The following MCM8 variants were observed in gnomAD, a reference collection of about 807,000 sequenced individuals.
MCM8 encodes the protein minichromosome maintenance 8 homologous recombination repair factor.
In MCM8, 85 loss-of-function variants were observed where a neutral mutation model predicts 98.9. The observed-to-expected ratio is 0.86, with a 90% CI of 0.72 to 1.03. MCM8 has a LOEUF of 1.03. Ranked by LOEUF, MCM8 falls within the 50% of genes least tolerant of loss-of-function variation. The pLI, the probability that MCM8 is intolerant of heterozygous loss-of-function variation, is 0.00. For missense variants in MCM8, 951 were observed against 997.8 expected, an observed-to-expected ratio of 0.95 and a Z score of 0.63; for synonymous variants, 352 against 338.6, an observed-to-expected ratio of 1.04 and a Z score of -0.44.
intron 17 of MCM8, among the ~76,000 whole-genome samples, chr20:5,989,572 C>T (rs73896705): frequency 0.024 from 3,585 of 152,246 alleles, 131 homozygotes; most frequent in African/African-American, 0.077. Context: ...TGGTCTAGTC[C>T]TCAGTGCTCT....
Position 5,973,200 on chromosome 20 carries a change from G to A in MCM8, c.1395+4G>A. Reference sequence around the variant, plus strand: ...AGGAAAAAGTCAAATGCTACAGGTAGACAATCAGTCATTTAGTGTTTGTTC... The same window carrying A: ...AGGAAAAAGTCAAATGCTACAGGTAAACAATCAGTCATTTAGTGTTTGTTC... On this transcript the variant is annotated splice_donor_region_variant and intron_variant, in intron 12 of 18. Transcript: ENST00000610722. 6.2e-7 allele frequency: 1 copy of A among 1,613,604 alleles called. No homozygotes were observed. Among genetic ancestry groups the A allele is most frequent in the Non-Finnish European group, 8.5e-7 (1 of 1,179,778 alleles).
chr20:5,976,330 T>G (rs1197812950), intron 12 of MCM8, among the ~76,000 whole-genome samples: 1 of 152,138 alleles, frequency 6.6e-6, no homozygotes, highest in Non-Finnish European at 1.5e-5. Flanking sequence ...AAGCTGAGGT[T>G]GTTGTAACCA....
At position 5,957,249 on chromosome 20, in the gene MCM8, A is replaced by G; in HGVS notation, c.590+20A>G. The G allele has an allele frequency of 6.3e-7, 1 of 1,580,592 alleles. No homozygotes were observed. The highest frequency in any genetic ancestry group is 8.7e-7 in the Non-Finnish European group (1 of 1,151,746). On this transcript the variant is annotated intron_variant, in intron 6 of 18. Transcript: ENST00000610722. ...TGCAAGGTGAGGAATTTGATGTATTAAAGTATTACTTAGAATGGGACATTG... is the reference window on the plus strand; with the variant it reads ...TGCAAGGTGAGGAATTTGATGTATTGAAGTATTACTTAGAATGGGACATTG...
At chr20:5,973,502 C>T (rs2089446948) in intron 12 of MCM8, among the ~76,000 whole-genome samples, 1 of 152,156 alleles carries the variant, frequency 6.6e-6, no homozygotes, top group Non-Finnish European at 1.5e-5. Flanking sequence ...GTTATGTGAC[C>T]TCACCTATGA....
chr20:5,951,352 T>C (rs2088817029), intron 1 of MCM8, among the ~76,000 whole-genome samples: 2 of 152,260 alleles, frequency 1.3e-5, no homozygotes, highest in African/African-American at 4.8e-5. Flanking sequence ...ATCGTGAACT[T>C]TCTAGTTACT....
At chr20:5,984,379 A>G (rs866238109) in intron 14 of MCM8, among the ~76,000 whole-genome samples, 6 of 152,256 alleles carry the variant, frequency 3.9e-5, no homozygotes, top group Admixed American at 1.3e-4. Flanking sequence ...ACAAAGTGCT[A>G]TATTAGAAAA....
intron 17 of MCM8, among the ~76,000 whole-genome samples, chr20:5,990,342 G>T (rs1448251617): frequency 6.6e-6 from 1 of 152,172 alleles, no homozygotes; most frequent in Non-Finnish European, 1.5e-5. Flanking sequence ...CTCCCAAAGT[G>T]CTGGGATTAC....
chr20:5,963,243 T>G (rs1490241450), intron 7 of MCM8, 31 bp from the exon 8 acceptor site: 1 of 1,505,952 alleles, frequency 6.6e-7, no homozygotes, highest in African/African-American at 1.4e-5. Flanking sequence ...TTTATCAAAA[T>G]CTGAATGTGA....
Position 5,960,037 on chromosome 20 carries a change from A to G in MCM8, c.789+1311A>G, listed in dbSNP as rs192553515. On this transcript the variant is annotated intron_variant, in intron 7 of 18. Coordinates refer to ENST00000610722, the MANE Select transcript of MCM8 (RefSeq NM_032485.6). ...ATTACTTTCCAGAGTATTGTTCCCA[A>G]CTTAAATCTTTGCTGGTAGTGTTAA... 4.2e-3 allele frequency among the ~76,000 whole-genome samples: 641 copies of G among 152,146 alleles called. 3 individuals carry two copies. The highest frequency in any genetic ancestry group is 0.014 in the African/African-American group (581 of 41,518).
At chr20:5,989,120 C>CTTTTTTTTTTTTT (rs1172678780) in intron 17 of MCM8, among the ~76,000 whole-genome samples, 1,794 of 120,120 alleles carry the variant, frequency 0.015, 99 homozygotes, top group Middle Eastern at 0.046. Context: ...TAGCGCAAGT[C>CTTTTTTTTTTTTT]TTTTTTTTTT....
intron 16 of MCM8, among the ~76,000 whole-genome samples, chr20:5,986,769 G>A (rs555750198): frequency 1.3e-5 from 2 of 152,310 alleles, no homozygotes; most frequent in Admixed American, 6.5e-5. Flanking sequence ...AAGTAAAAAT[G>A]AGGTTTATCC....
chr20:5,954,731 C>A, intron 4 of MCM8, 41 bp downstream of exon 4: 1 of 1,193,386 alleles, frequency 8.4e-7, no homozygotes, highest in Non-Finnish European at 1.2e-6. Context: ...CATGTGCCAT[C>A]TTACCAATGT....
At chr20:5,983,627 G>A (rs1362264943) in intron 14 of MCM8, among the ~76,000 whole-genome samples, 1 of 152,170 alleles carries the variant, frequency 6.6e-6, no homozygotes, top group East Asian at 1.9e-4. Flanking sequence ...TTGAACCTGG[G>A]AGGTGGAGGT....
intron 3 of MCM8, 116 bp downstream of exon 3, chr20:5,952,644 A>G: frequency 4.9e-6 from 4 of 819,422 alleles, no homozygotes; most frequent in Admixed American, 5.2e-5. Flanking sequence ...CTTTAATCTT[A>G]GTTCACCCAA....
intron 7 of MCM8, among the ~76,000 whole-genome samples, chr20:5,959,655 C>T (rs941948243): frequency 6.8e-6 from 1 of 147,040 alleles, no homozygotes; most frequent in Non-Finnish European, 1.5e-5. Context: ...TTGTACATGT[C>T]TCCTTAGCAG....
At chr20:5,956,805 A>AT (rs558916748) in intron 5 of MCM8, among the ~76,000 whole-genome samples, 147 of 144,704 alleles carry the variant, frequency 1.0e-3, no homozygotes, top group Middle Eastern at 3.5e-3. Context: ...ATAGGAATGC[A>AT]TTTTTTTTTT....
chr20:5,957,165 C>G lies in MCM8; in HGVS notation c.526C>G (p.Gln176Glu). ...KDLERHAAEL[Q>E]AQEGLSNDGE... Reference sequence around the variant, plus strand: ...CCTTGAAAGGCATGCAGCTGAGTTACAAGCCCAGGAAGGATTGTCTAATGA... The same window carrying G: ...CCTTGAAAGGCATGCAGCTGAGTTAGAAGCCCAGGAAGGATTGTCTAATGA... The change falls in exon 6 of 19, where the codon CAA (glutamine) becomes GAA (glutamate). Residue 176 changes from glutamine (Q) to glutamate (E), a missense_variant. Coordinates refer to ENST00000610722, the MANE Select transcript of MCM8 (RefSeq NM_032485.6). 2.5e-6 allele frequency: 4 copies of G among 1,613,698 alleles called. No homozygotes were observed. The East Asian group carries it at 8.9e-5, about 36-fold the overall frequency.
chr20:5,959,722 G>T (rs1321300189), intron 7 of MCM8, among the ~76,000 whole-genome samples: 2 of 138,998 alleles, frequency 1.4e-5, no homozygotes, highest in African/African-American at 5.4e-5. Flanking sequence ...TTTTTGAGAC[G>T]GAGTCTCGCT....
intron 17 of MCM8, among the ~76,000 whole-genome samples, chr20:5,992,078 A>T (rs2089864725): frequency 6.6e-6 from 1 of 152,202 alleles, no homozygotes. Flanking sequence ...CCTAAAATTG[A>T]AAACATACTA....
Sources: gnomAD v4.1 joint callset for allele counts (sites outside exome capture counted in the v4.1 genomes callset) on GRCh38, gnomAD v4.1.1 for gene constraint, MANE v1.5 for transcripts, NCBI Gene and HGNC (gene_info 2026-07-23, HGNC 2026-07-21) for gene names.